NT5C2: variants seen among roughly 807,000 people sequenced by gnomAD.
NT5C2 encodes cytosolic purine 5'-nucleotidase.
Under a neutral mutation model 76.1 loss-of-function variants are expected in NT5C2, and 58 were observed. The observed-to-expected ratio is 0.76, with a 90% CI of 0.62 to 0.95. The LOEUF is 0.95. NT5C2 is among the 40% of genes least tolerant of loss of function. The probability of loss-of-function intolerance (pLI) is 0.00; values close to 1 mark genes in which losing one functional copy is unlikely to be tolerated. For synonymous variants in NT5C2, 229 were observed against 237.4 expected, an observed-to-expected ratio of 0.96 and a Z score of 0.32; for missense variants, 478 against 690.3, an observed-to-expected ratio of 0.69 and a Z score of 3.45.
intron 3 of NT5C2, among the ~76,000 whole-genome samples, chr10:103,170,325 T>C (rs1310262916): frequency 6.6e-6 from 1 of 151,970 alleles, no homozygotes. Flanking sequence ...ATAACATAGA[T>C]AAAAAATTTT....
chr10:103,136,488 A>T (rs547182502), intron 4 of NT5C2, among the ~76,000 whole-genome samples: 4 of 152,354 alleles, frequency 2.6e-5, no homozygotes, highest in African/African-American at 9.6e-5. Flanking sequence ...AATAAATGTT[A>T]CCACTTACTG....
chr10:103,129,358 G>C (rs1424482376), intron 4 of NT5C2, among the ~76,000 whole-genome samples: 2 of 114,958 alleles, frequency 1.7e-5, no homozygotes, highest in African/African-American at 3.3e-5. Context: ...GGGGGGGTCA[G>C]CTCTCCGCCC....
intron 1 of NT5C2, among the ~76,000 whole-genome samples, chr10:103,184,908 T>A (rs1194526172): frequency 6.6e-6 from 1 of 152,224 alleles, no homozygotes; most frequent in African/African-American, 2.4e-5. Flanking sequence ...TTGTTTTTCT[T>A]CTTCAAGCAG....
At chr10:103,132,854 T>C (rs1263672876) in intron 4 of NT5C2, among the ~76,000 whole-genome samples, 2 of 151,846 alleles carry the variant, frequency 1.3e-5, no homozygotes, top group Non-Finnish European at 2.9e-5. Flanking sequence ...CTGGCCGCGG[T>C]CTAAAGTAAT....
chr10:103,134,715 C>G (rs1046371603), intron 4 of NT5C2, among the ~76,000 whole-genome samples: 2 of 152,202 alleles, frequency 1.3e-5, no homozygotes, highest in African/African-American at 4.8e-5. Flanking sequence ...CCACTGACAG[C>G]TTGCACCGTG....
intron 1 of NT5C2, among the ~76,000 whole-genome samples, chr10:103,184,642 A>C (rs547050670): frequency 1.3e-5 from 2 of 152,346 alleles, no homozygotes; most frequent in Admixed American, 1.3e-4. Flanking sequence ...GCTTTTCAGA[A>C]GCCTATTTTT....
At chr10:103,129,940 G>GC (rs1450720222) in intron 4 of NT5C2, among the ~76,000 whole-genome samples, 7,604 of 97,796 alleles carry the variant, frequency 0.078, 332 homozygotes, top group Non-Finnish European at 0.11. Context: ...GGGGGGGTCA[G>GC]CCCCCCCGCC....
intron 6 of NT5C2, among the ~76,000 whole-genome samples, chr10:103,101,861 A>G (rs1421599615): frequency 2.0e-5 from 3 of 152,310 alleles, no homozygotes; most frequent in Non-Finnish European, 2.9e-5. Flanking sequence ...ACGTGCTGGT[A>G]TATGAGCTGG....
At chr10:103,180,881 C>T (rs902406137) in intron 2 of NT5C2, among the ~76,000 whole-genome samples, 1 of 152,112 alleles carries the variant, frequency 6.6e-6, no homozygotes, top group Non-Finnish European at 1.5e-5. Flanking sequence ...AAAGTATTTA[C>T]ATGCAAAACA....
chr10:103,165,574 CTTT>C (rs35898850), intron 3 of NT5C2, among the ~76,000 whole-genome samples: 268 of 109,248 alleles, frequency 2.5e-3, no homozygotes, highest in Non-Finnish European at 3.8e-3. Context: ...CCACCTGTGG[CTTT>C]TTTTTTTTTT....
chr10:103,175,099 T>G (rs183022060), intron 2 of NT5C2, 117 bp from the exon 3 acceptor site: 96 of 592,766 alleles, frequency 1.6e-4, no homozygotes, highest in Non-Finnish European at 2.5e-4. Context: ...AATTACCTAT[T>G]AAAACACACT....
At chr10:103,177,290 G>C (rs2135040343) in intron 2 of NT5C2, among the ~76,000 whole-genome samples, 1 of 152,306 alleles carries the variant, frequency 6.6e-6, no homozygotes, top group East Asian at 1.9e-4. Flanking sequence ...GAGGTGGGCA[G>C]CTTAAGTGTT....
At chr10:103,134,914 A>G (rs759789601) in intron 4 of NT5C2, among the ~76,000 whole-genome samples, 1 of 152,200 alleles carries the variant, frequency 6.6e-6, no homozygotes, top group Non-Finnish European at 1.5e-5. Flanking sequence ...TGACTGCCCC[A>G]CTGGATTTCA....
chr10:103,124,283 C>G (rs1477519311), intron 4 of NT5C2, among the ~76,000 whole-genome samples: 1 of 151,946 alleles, frequency 6.6e-6, no homozygotes, highest in East Asian at 1.9e-4. Context: ...GGTAAACATG[C>G]TCATGGAAAC....
intron 10 of NT5C2, among the ~76,000 whole-genome samples, chr10:103,097,738 T>C (rs1297486831): frequency 1.3e-5 from 2 of 152,200 alleles, no homozygotes; most frequent in African/African-American, 4.8e-5. Context: ...CAGAAGCTGA[T>C]TTAAACATGC....
At chr10:103,120,435 T>C (rs1275117085) in intron 4 of NT5C2, among the ~76,000 whole-genome samples, 1 of 152,228 alleles carries the variant, frequency 6.6e-6, no homozygotes, top group Non-Finnish European at 1.5e-5. Context: ...ATGCAGAATG[T>C]GTAACTCCAC....
At chr10:103,164,930 T>TA (rs1377462322) in intron 3 of NT5C2, among the ~76,000 whole-genome samples, 1 of 152,232 alleles carries the variant, frequency 6.6e-6, no homozygotes, top group African/African-American at 2.4e-5. Flanking sequence ...GGAATGGTAG[T>TA]AAAGAGAGAG....
chr10:103,142,193 T>C (rs1413765736), intron 3 of NT5C2, among the ~76,000 whole-genome samples: 1 of 152,036 alleles, frequency 6.6e-6, no homozygotes, highest in Admixed American at 6.6e-5. Context: ...TTAGTAGGGG[T>C]CAAAATCCTG....
In NT5C2 at chr10:103,112,022, T is replaced by C. The variant is rs534296808; in HGVS notation, c.176-5316A>G. Among the ~76,000 whole-genome samples the C allele has an allele frequency of 2.0e-5, 3 of 152,290 alleles. No individual in the cohort carries two copies. The East Asian group carries it at 5.8e-4, about 29-fold the overall frequency. ...TATTGAAGATAAGCCTAAGTATTATTGTGTATTATTTACTTTTCTGGCACC... is the reference window on the plus strand; with the variant it reads ...TATTGAAGATAAGCCTAAGTATTATCGTGTATTATTTACTTTTCTGGCACC... On this transcript the variant is annotated intron_variant, in intron 4 of 18. Coordinates refer to ENST00000404739, the MANE Select transcript of NT5C2 (RefSeq NM_001351169.2).
Sources: allele counts gnomAD v4.1 joint callset (sites outside exome capture counted in the v4.1 genomes callset), GRCh38; gene constraint gnomAD v4.1.1; transcripts MANE v1.5; gene names NCBI Gene and HGNC (gene_info 2026-07-23, HGNC 2026-07-21).